MEGF11: variants seen among roughly 807,000 people sequenced by gnomAD.
MEGF11 encodes the protein multiple epidermal growth factor-like domains protein 11.
In MEGF11, 126 loss-of-function variants were observed where a neutral mutation model predicts 146.6. That is an observed-to-expected ratio of 0.86 (90% confidence interval 0.74 to 1.00). MEGF11 has a LOEUF of 1.00. MEGF11 is among the 50% of genes least tolerant of loss of function. The probability of loss-of-function intolerance (pLI) is 0.00; values close to 1 mark genes in which losing one functional copy is unlikely to be tolerated. For missense variants in MEGF11, 1,509 were observed against 1,521.2 expected (o/e 0.99, Z 0.13); for synonymous variants, 532 against 583.4 (o/e 0.91, Z 1.27).
At position 66,196,341 on chromosome 15, in the gene MEGF11, G is replaced by A. The variant is rs183886811; in HGVS notation, c.-9+57264C>T. ...ACAAAAATTAGCCGGGCATGGTGTC[G>A]GGCGCCTGTAATCCCAGCTACTCGA... On this transcript the variant is annotated intron_variant, in intron 1 of 25. Transcript: ENST00000395614. Among the ~76,000 whole-genome samples, 403 of 151,142 alleles carry A rather than the reference G, an allele frequency of 2.7e-3. 2 individuals carry two copies. The highest frequency in any genetic ancestry group is 9.7e-3 in the African/African-American group (393 of 40,596).
At chr15:66,169,364 T>C (rs758354508) in intron 1 of MEGF11, among the ~76,000 whole-genome samples, 18 of 152,268 alleles carry the variant, frequency 1.2e-4, no homozygotes, top group Admixed American at 2.0e-4. Context: ...GGCCCAGATG[T>C]CTAGACTCGA....
At chr15:66,222,409 G>C (rs1332957628) in intron 1 of MEGF11, among the ~76,000 whole-genome samples, 1 of 152,056 alleles carries the variant, frequency 6.6e-6, no homozygotes, top group Non-Finnish European at 1.5e-5. Context: ...TTGACGCCTG[G>C]TCAGATGCAA....
intron 5 of MEGF11, among the ~76,000 whole-genome samples, chr15:66,026,350 G>C (rs1285658246): frequency 6.6e-6 from 1 of 152,246 alleles, no homozygotes; most frequent in African/African-American, 2.4e-5. Flanking sequence ...AGCACTGCTT[G>C]ATGAAGGGAC....
chr15:66,087,765 A>G (rs1159401590), intron 5 of MEGF11, among the ~76,000 whole-genome samples: 1 of 152,226 alleles, frequency 6.6e-6, no homozygotes, highest in Non-Finnish European at 1.5e-5. Flanking sequence ...AAGGAACTAG[A>G]GAAATAAGAA....
intron 5 of MEGF11, among the ~76,000 whole-genome samples, chr15:66,043,047 T>C (rs1456334768): frequency 6.6e-6 from 1 of 152,258 alleles, no homozygotes; most frequent in Non-Finnish European, 1.5e-5. Context: ...CAGCCAGAGA[T>C]AGAAGAGAGT....
At chr15:66,097,332 C>T (rs1286328447) in intron 4 of MEGF11, among the ~76,000 whole-genome samples, 3 of 152,102 alleles carry the variant, frequency 2.0e-5, no homozygotes, top group African/African-American at 2.4e-5. Context: ...GGCGCTGGGG[C>T]GGCTGACTCC....
At chr15:65,914,540 A>T (rs1440439976) in intron 19 of MEGF11, among the ~76,000 whole-genome samples, 1 of 152,044 alleles carries the variant, frequency 6.6e-6, no homozygotes, top group Non-Finnish European at 1.5e-5. Flanking sequence ...TATTTCCAGG[A>T]TGACTGCCCG....
intron 5 of MEGF11, among the ~76,000 whole-genome samples, chr15:66,070,957 T>A (rs2085339530): frequency 6.6e-6 from 1 of 152,060 alleles, no homozygotes; most frequent in African/African-American, 2.4e-5. Context: ...AACTATGTAT[T>A]AATCTCCCCA....
chr15:66,198,208 C>T (rs911202129), intron 1 of MEGF11, among the ~76,000 whole-genome samples: 6 of 152,190 alleles, frequency 3.9e-5, no homozygotes, highest in African/African-American at 1.4e-4. Flanking sequence ...AAAAATGGTC[C>T]CTTAACATAG....
At chr15:66,239,850 A>G (rs990196093) in intron 1 of MEGF11, among the ~76,000 whole-genome samples, 11 of 152,194 alleles carry the variant, frequency 7.2e-5, no homozygotes, top group Non-Finnish European at 1.6e-4. Flanking sequence ...GGTGCAAGGG[A>G]GTTAATGCTC....
chr15:65,976,865 T>C lies in MEGF11; in HGVS notation c.762+3913A>G, dbSNP rs74598921. Reference sequence around the variant, plus strand: ...GGACAACAGTCGCACTTTAAGAGGATCTTGGCGGCCAGGTCCAGTCGCTCA... The same window carrying C: ...GGACAACAGTCGCACTTTAAGAGGACCTTGGCGGCCAGGTCCAGTCGCTCA... On this transcript the variant is annotated intron_variant, in intron 7 of 25. Coordinates refer to ENST00000395614, the MANE Select transcript of MEGF11 (RefSeq NM_001385028.1). 4.6e-5 allele frequency among the ~76,000 whole-genome samples: 7 copies of C among 152,198 alleles called. No homozygotes were observed. In the East Asian group the frequency reaches 1.4e-3, roughly 29 times the overall value.
intron 5 of MEGF11, among the ~76,000 whole-genome samples, chr15:66,011,146 C>G (rs3931067): frequency 6.6e-6 from 1 of 152,076 alleles, no homozygotes; most frequent in African/African-American, 2.4e-5. Flanking sequence ...GCTTTAGTCT[C>G]GGCACTCAGT....
intron 9 of MEGF11, among the ~76,000 whole-genome samples, chr15:65,959,539 C>T (rs1032740980): frequency 2.6e-5 from 4 of 152,198 alleles, no homozygotes; most frequent in African/African-American, 9.6e-5. Flanking sequence ...TATCAGGAGA[C>T]TTACTTTTAA....
chr15:66,097,466 G>C (rs1480688896), intron 4 of MEGF11, among the ~76,000 whole-genome samples: 1 of 152,186 alleles, frequency 6.6e-6, no homozygotes, highest in Non-Finnish European at 1.5e-5. Flanking sequence ...GCCTGGGAGG[G>C]GTTGGGTTAG....
chr15:65,930,734 C>G (rs767113209), intron 11 of MEGF11, 89 bp downstream of exon 11: 189 of 1,445,216 alleles, frequency 1.3e-4, no homozygotes, highest in Non-Finnish European at 1.7e-4. Flanking sequence ...GGGGTTGGGG[C>G]AGCCCCACCT....
intron 5 of MEGF11, among the ~76,000 whole-genome samples, chr15:66,044,447 C>T (rs908189356): frequency 3.3e-5 from 5 of 152,202 alleles, no homozygotes; most frequent in African/African-American, 9.7e-5. Flanking sequence ...GTACATCTTT[C>T]TATCTCTGAT....
chr15:66,007,250 TTTAG>T (rs951679219), intron 5 of MEGF11, among the ~76,000 whole-genome samples: 4 of 152,358 alleles, frequency 2.6e-5, no homozygotes, highest in African/African-American at 9.6e-5. Flanking sequence ...TTATGCAATG[TTTAG>T]CCTTAAGCAA....
Position 66,096,081 on chromosome 15 carries a change from C to T in MEGF11, c.302-1587G>A, listed in dbSNP as rs528898966. 4.6e-5 allele frequency among the ~76,000 whole-genome samples: 7 copies of T among 152,284 alleles called. No homozygotes were observed. The South Asian group carries it at 1.5e-3, about 32-fold the overall frequency. On this transcript the variant is annotated intron_variant, in intron 4 of 25. Coordinates refer to ENST00000395614, the MANE Select transcript of MEGF11 (RefSeq NM_001385028.1). ...ACACACCAGTGTCCATCCTCTGGCT[C>T]CCCATGGGATGCCAGCCCCTCAGCC...
chr15:66,121,163 G>A (rs1206320172), intron 3 of MEGF11, among the ~76,000 whole-genome samples: 1 of 152,194 alleles, frequency 6.6e-6, no homozygotes, highest in Non-Finnish European at 1.5e-5. Context: ...CACCACCTCA[G>A]TGGTGATGGA....
Sources: gnomAD v4.1 joint callset for allele counts (sites outside exome capture counted in the v4.1 genomes callset) on GRCh38, gnomAD v4.1.1 for gene constraint, MANE v1.5 for transcripts, NCBI Gene and HGNC (gene_info 2026-07-23, HGNC 2026-07-21) for gene names.